Variants in LINGO1 observed in about 807,000 individuals in gnomAD.
The protein encoded by LINGO1 is leucine-rich repeat and immunoglobulin-like domain-containing nogo receptor-interacting protein 1.
LINGO1 carries 11 observed loss-of-function variants against 37.3 expected under a neutral mutation model. The ratio of observed to expected loss-of-function variants is 0.29; its 90% confidence interval spans 0.19 to 0.49. The LOEUF (loss-of-function observed/expected upper bound fraction) is 0.49. LINGO1 is among the 20% of genes least tolerant of loss of function. The probability of loss-of-function intolerance (pLI) is 0.99; values close to 1 mark genes in which losing one functional copy is unlikely to be tolerated. For missense variants in LINGO1, 585 were observed against 878.2 expected, an observed-to-expected ratio of 0.67 and a Z score of 4.22; for synonymous variants, 387 against 403.0, an observed-to-expected ratio of 0.96 and a Z score of 0.48.
upstream of LINGO1, among the ~76,000 whole-genome samples, chr15:77,790,473 G>A (rs1346154620): frequency 2.0e-5 from 3 of 152,246 alleles, no homozygotes; most frequent in African/African-American, 7.2e-5. Flanking sequence ...CAGAGGGGCT[G>A]GGTGGTGTGG....
At chr15:77,617,564 C>T (rs2142498385) in intron 1 of LINGO1, among the ~76,000 whole-genome samples, 1 of 152,348 alleles carries the variant, frequency 6.6e-6, no homozygotes, top group South Asian at 2.1e-4. Context: ...CCCACCTCTC[C>T]ACCCTAGCTC....
intron 1 of LINGO1, among the ~76,000 whole-genome samples, chr15:77,742,954 T>C (rs1236069638): frequency 6.6e-6 from 1 of 152,302 alleles, no homozygotes; most frequent in Admixed American, 6.5e-5. Context: ...CCAAGAAAGC[T>C]TGGGGTGCGG....
chr15:77,769,015 C>T (rs575663461), intron 1 of LINGO1, among the ~76,000 whole-genome samples: 2 of 152,334 alleles, frequency 1.3e-5, no homozygotes, highest in South Asian at 2.1e-4. Context: ...CTGCCCAGGA[C>T]CCTTCAATGG....
At chr15:77,802,366 T>C (rs2076926810) in intron 1 of LINGO1, among the ~76,000 whole-genome samples, 1 of 152,072 alleles carries the variant, frequency 6.6e-6, no homozygotes, top group African/African-American at 2.4e-5. Context: ...GATCCACGTA[T>C]ATGTGTGCAT....
At chr15:77,815,222 C>G (rs2077037718) in intron 1 of LINGO1, among the ~76,000 whole-genome samples, 1 of 152,220 alleles carries the variant, frequency 6.6e-6, no homozygotes, top group Non-Finnish European at 1.5e-5. Flanking sequence ...CCCATATGCT[C>G]TCCGACAGCT....
At chr15:77,680,270 G>A (rs561795436) in intron 2 of LINGO1, among the ~76,000 whole-genome samples, 11 of 152,206 alleles carry the variant, frequency 7.2e-5, no homozygotes, top group Non-Finnish European at 1.6e-4. Context: ...TGGAATGTGA[G>A]TTCATGTGGT....
chr15:77,713,923 C>T (rs1160858155), intron 2 of LINGO1, among the ~76,000 whole-genome samples: 1 of 152,112 alleles, frequency 6.6e-6, no homozygotes, highest in African/African-American at 2.4e-5. Context: ...ATCCCAGCGT[C>T]CAGGACTTGG....
rs1337758049 is a variant in LINGO1 at position 77,632,557 on chromosome 15, G to A, written c.-242C>T. 3.2e-5 allele frequency: 7 copies of A among 217,448 alleles called. No homozygotes were observed. The South Asian group carries it at 5.4e-4, about 17-fold the overall frequency. The allele number at this position is 217,448 out of a possible 1,614,324, so 13.5% of individuals were successfully genotyped here. On this transcript the variant is annotated 5_prime_UTR_variant, in exon 1 of 2. Transcript: ENST00000355300. The surrounding 1 kb of genome is among the most constrained non-coding windows in gnomAD (Gnocchi z 6.0). ...GGGGAGGCGGGAGGCCGCGGCCCCG[G>A]CGGGCGGATGGGCGGGCGCGCTCAG...
chr15:77,773,158 A>G (rs1387112461), intron 1 of LINGO1, among the ~76,000 whole-genome samples: 2 of 152,224 alleles, frequency 1.3e-5, no homozygotes, highest in African/African-American at 4.8e-5. Flanking sequence ...TCCCTGCCAT[A>G]GCCCTATCCT....
chr15:77,786,627 C>T (rs572533432), intron 1 of LINGO1, among the ~76,000 whole-genome samples: 73 of 152,310 alleles, frequency 4.8e-4, no homozygotes, highest in African/African-American at 1.7e-3. Context: ...ACAAACACTC[C>T]CGCCGCCCTC....
intron 1 of LINGO1, among the ~76,000 whole-genome samples, chr15:77,783,837 C>T (rs565642974): frequency 2.9e-3 from 435 of 152,284 alleles, no homozygotes; most frequent in African/African-American, 8.1e-3. Context: ...TTTTTTTCCT[C>T]GGTGCTGGAC....
chr15:77,622,875 GAGA>G (rs1428877023), intron 1 of LINGO1, among the ~76,000 whole-genome samples: 1 of 152,224 alleles, frequency 6.6e-6, no homozygotes, highest in Non-Finnish European at 1.5e-5. Context: ...CCTCTAGCCT[GAGA>G]AGAAGCAACG....
chr15:77,641,488 T>C lies in LINGO1; in HGVS notation c.-12-25588A>G, dbSNP rs184050504. 6.2e-3 allele frequency among the ~76,000 whole-genome samples: 943 copies of C among 152,290 alleles called. 13 individuals are homozygous for C. The highest frequency in any genetic ancestry group is 0.022 in the African/African-American group (904 of 41,554). On this transcript the variant is annotated intron_variant, in intron 3 of 3. Transcript: ENST00000559893. ...CAGGGCGGCTGCTTGTCCACTAATA[T>C]GCCTATAAATTATTGAAGTTATAAA...
intron 2 of LINGO1, among the ~76,000 whole-genome samples, chr15:77,711,885 G>GT (rs199814942): frequency 2.2e-5 from 3 of 135,950 alleles, no homozygotes; most frequent in South Asian, 2.1e-4. Context: ...CTCCTCTGAG[G>GT]GGGGGGCACA....
intron 3 of LINGO1, among the ~76,000 whole-genome samples, chr15:77,659,681 C>G (rs2074945087): frequency 6.6e-6 from 1 of 152,188 alleles, no homozygotes. Flanking sequence ...GGCCAGTCAC[C>G]TTCCCACACA....
chr15:77,817,070 C>T (rs1020434664), intron 1 of LINGO1, among the ~76,000 whole-genome samples: 2 of 152,202 alleles, frequency 1.3e-5, no homozygotes, highest in Non-Finnish European at 2.9e-5. Context: ...AGAGAGGCCG[C>T]CCGGGACGGG....
At chr15:77,775,660 T>C (rs1255169993) in intron 1 of LINGO1, among the ~76,000 whole-genome samples, 1 of 152,142 alleles carries the variant, frequency 6.6e-6, no homozygotes, top group African/African-American at 2.4e-5. Flanking sequence ...CATTGCTCCT[T>C]GTCATACAGC....
intron 1 of LINGO1, among the ~76,000 whole-genome samples, chr15:77,776,096 G>A (rs2076635229): frequency 6.6e-6 from 1 of 152,022 alleles, no homozygotes; most frequent in South Asian, 2.1e-4. Flanking sequence ...GACAGTCTCC[G>A]TTTATGACAT....
intron 3 of LINGO1, among the ~76,000 whole-genome samples, chr15:77,672,524 G>C (rs2075268439): frequency 6.6e-6 from 1 of 152,128 alleles, no homozygotes; most frequent in Admixed American, 6.5e-5. Context: ...GGGGCGCTCT[G>C]TGCCTGGAGA....
Sources: gnomAD v4.1 joint callset for allele counts (sites outside exome capture counted in the v4.1 genomes callset) on GRCh38, gnomAD v4.1.1 for gene constraint, Gnocchi (gnomAD v3.1) non-coding constraint, MANE v1.5 for transcripts, NCBI Gene and HGNC (gene_info 2026-07-23, HGNC 2026-07-21) for gene names.